PRDM5: variants seen among roughly 807,000 people sequenced by gnomAD.
The protein encoded by PRDM5 is PR/SET domain 5.
PRDM5 carries 56 observed loss-of-function variants against 81.2 expected under a neutral mutation model. The ratio of observed to expected loss-of-function variants is 0.69; its 90% confidence interval spans 0.56 to 0.86. The LOEUF (loss-of-function observed/expected upper bound fraction) is 0.86. Among genes scored for constraint, PRDM5 ranks in the 40% least tolerant of loss-of-function variants. PRDM5 has a pLI of 0.00. For missense variants in PRDM5, 697 were observed against 770.1 expected (o/e 0.91, Z 1.12); for synonymous variants, 267 against 256.4 (o/e 1.04, Z -0.39).
intron 2 of PRDM5, among the ~76,000 whole-genome samples, chr4:120,890,247 G>A (rs1181382639): frequency 6.6e-6 from 1 of 152,140 alleles, no homozygotes; most frequent in Non-Finnish European, 1.5e-5. Context: ...CATGGCCACA[G>A]CAGGAGCAAG....
At position 120,750,178 on chromosome 4, in the gene PRDM5, G is replaced by A. The variant is rs187029409; in HGVS notation, c.1623+4375C>T. ...ACATGTAGCTAGTGGTTAGGACACT[G>A]CCGCTGACCCTGAGTGGTGTCAGAA... is the stretch of plus-strand genomic sequence containing the variant. On this transcript the variant is annotated intron_variant, in intron 14 of 15. Coordinates refer to ENST00000264808, the MANE Select transcript of PRDM5 (RefSeq NM_018699.4). Among the ~76,000 whole-genome samples, 7 of 152,268 alleles carry A rather than the reference G, an allele frequency of 4.6e-5. No homozygotes were observed. In the East Asian group the frequency reaches 1.4e-3, roughly 29 times the overall value.
chr4:120,821,784 G>A (rs749783557), intron 3 of PRDM5, among the ~76,000 whole-genome samples: 1 of 150,756 alleles, frequency 6.6e-6, no homozygotes, highest in Non-Finnish European at 1.5e-5. Flanking sequence ...ACAAACCAGA[G>A]GAAGTGCAAA....
At chr4:120,701,128 A>C (rs2148999549) in intron 15 of PRDM5, among the ~76,000 whole-genome samples, 1 of 149,938 alleles carries the variant, frequency 6.7e-6, no homozygotes, top group South Asian at 2.1e-4. Context: ...CTGTTGCAAC[A>C]AACAAAAACA....
intron 1 of PRDM5, 123 bp downstream of exon 1, chr4:120,922,393 C>T: frequency 2.6e-6 from 3 of 1,141,110 alleles, no homozygotes; most frequent in Non-Finnish European, 3.3e-6. Flanking sequence ...ACGCCTGGCC[C>T]GGCCCGGGCG....
intron 8 of PRDM5, among the ~76,000 whole-genome samples, chr4:120,805,368 T>G (rs751774627): frequency 1.2e-4 from 19 of 152,214 alleles, no homozygotes; most frequent in Non-Finnish European, 1.0e-4. Context: ...AGCATCATCC[T>G]GATACGAAAG....
chr4:120,781,071 T>C (rs1748965045), intron 12 of PRDM5, 72 bp downstream of exon 12: 3 of 1,266,806 alleles, frequency 2.4e-6, no homozygotes, highest in Non-Finnish European at 3.4e-6. Flanking sequence ...AATTATCACA[T>C]GTTAGTTAAC....
intron 14 of PRDM5, among the ~76,000 whole-genome samples, chr4:120,743,976 C>T (rs1442803671): frequency 6.6e-6 from 1 of 152,028 alleles, no homozygotes; most frequent in Non-Finnish European, 1.5e-5. Flanking sequence ...ACAGAATATA[C>T]ATTTTTTTCA....
intron 1 of PRDM5, among the ~76,000 whole-genome samples, chr4:120,916,209 T>C (rs1456679936): frequency 4.6e-5 from 7 of 151,868 alleles, no homozygotes; most frequent in Admixed American, 1.3e-4. Flanking sequence ...ACCAACATGG[T>C]AAAACCCTGT....
chr4:120,698,975 G>A (rs114180260), intron 15 of PRDM5, among the ~76,000 whole-genome samples: 1 of 151,456 alleles, frequency 6.6e-6, no homozygotes, highest in South Asian at 2.1e-4. Context: ...ACATACACAT[G>A]TACTACTGTA....
intron 2 of PRDM5, among the ~76,000 whole-genome samples, chr4:120,892,183 T>G (rs994856788): frequency 6.6e-6 from 1 of 152,208 alleles, no homozygotes; most frequent in South Asian, 2.1e-4. Context: ...GTGTTTGCTA[T>G]GATTTTAGGG....
chr4:120,847,288 T>C (rs1758764674), intron 3 of PRDM5, among the ~76,000 whole-genome samples: 1 of 152,138 alleles, frequency 6.6e-6, no homozygotes, highest in Non-Finnish European at 1.5e-5. Flanking sequence ...AAGATTAGGT[T>C]ATAAAAGGTT....
chr4:120,922,391 C>T, intron 1 of PRDM5, 125 bp downstream of exon 1: 1 of 1,138,280 alleles, frequency 8.8e-7, no homozygotes, highest in East Asian at 4.7e-5. Flanking sequence ...GGACGCCTGG[C>T]CCGGCCCGGG....
At chr4:120,748,671 A>C (rs1468835082) in intron 14 of PRDM5, among the ~76,000 whole-genome samples, 1 of 151,678 alleles carries the variant, frequency 6.6e-6, no homozygotes, top group African/African-American at 2.4e-5. Context: ...CCAAAAGAGG[A>C]CCTGCTCCCT....
intron 1 of PRDM5, among the ~76,000 whole-genome samples, chr4:120,913,406 A>T (rs1766740775): frequency 6.6e-6 from 1 of 152,208 alleles, no homozygotes; most frequent in Non-Finnish European, 1.5e-5. Context: ...GAGAACAAAA[A>T]CTTCAAGTTT....
At chr4:120,892,747 G>A (rs1764193923) in intron 2 of PRDM5, among the ~76,000 whole-genome samples, 1 of 152,216 alleles carries the variant, frequency 6.6e-6, no homozygotes, top group Non-Finnish European at 1.5e-5. Flanking sequence ...CAGGAAAACA[G>A]AAGGTTGTGC....
intron 2 of PRDM5, among the ~76,000 whole-genome samples, chr4:120,894,031 T>A (rs1476187109): frequency 6.6e-6 from 1 of 152,198 alleles, no homozygotes. Context: ...TTTAGCACAA[T>A]GATTGATCTA....
intron 2 of PRDM5, among the ~76,000 whole-genome samples, chr4:120,905,019 C>A (rs1487425188): frequency 2.6e-5 from 4 of 152,022 alleles, no homozygotes; most frequent in Non-Finnish European, 5.9e-5. Flanking sequence ...TTCTGAAAAA[C>A]CTTCATAGTA....
chr4:120,888,050 C>T (rs1763650221), intron 2 of PRDM5, among the ~76,000 whole-genome samples: 3 of 149,654 alleles, frequency 2.0e-5, no homozygotes, highest in African/African-American at 2.5e-5. Flanking sequence ...CCTCGGCCTC[C>T]CAAAGTGCTG....
At chr4:120,717,363 A>C (rs923484048) in intron 14 of PRDM5, among the ~76,000 whole-genome samples, 6 of 152,220 alleles carry the variant, frequency 3.9e-5, no homozygotes, top group African/African-American at 1.4e-4. Context: ...AATACTTGGC[A>C]GATTTCATTC....
Sources: allele counts gnomAD v4.1 joint callset (sites outside exome capture counted in the v4.1 genomes callset), GRCh38; gene constraint gnomAD v4.1.1; transcripts MANE v1.5; gene names NCBI Gene and HGNC (gene_info 2026-07-23, HGNC 2026-07-21).